SLCO3A1: variants seen among roughly 807,000 people sequenced by gnomAD.
SLCO3A1 encodes solute carrier organic anion transporter family member 3A1.
SLCO3A1 carries 27 observed loss-of-function variants against 63.1 expected under a neutral mutation model. The ratio of observed to expected loss-of-function variants is 0.43; its 90% confidence interval spans 0.32 to 0.59. The LOEUF (loss-of-function observed/expected upper bound fraction) is 0.59, where lower values mean the gene tolerates loss of function less well. Among genes scored for constraint, SLCO3A1 ranks in the 20% least tolerant of loss-of-function variants. The pLI, the probability that SLCO3A1 is intolerant of heterozygous loss-of-function variation, is 0.09. For synonymous variants in SLCO3A1, 473 were observed against 409.9 expected, an observed-to-expected ratio of 1.15 and a Z score of -1.86; for missense variants, 773 against 945.8, an observed-to-expected ratio of 0.82 and a Z score of 2.40.
At chr15:92,107,549 G>A (rs1198763803) in intron 4 of SLCO3A1, among the ~76,000 whole-genome samples, 1 of 152,208 alleles carries the variant, frequency 6.6e-6, no homozygotes, top group Non-Finnish European at 1.5e-5. Context: ...CACATTTGTG[G>A]GTTTCAATAA....
rs1403238352 is a variant in SLCO3A1 at position 91,880,413 on chromosome 15, G to GTGTGTA, written c.180+26330_180+26331insATGTGT. Reference sequence around the variant, plus strand: ...TCTCTCTCTCTCTCTCTCTCTCTGTGTGTGTGTGTGTGTAGTTCTTTGCAG... The same window carrying GTGTGTA: ...TCTCTCTCTCTCTCTCTCTCTCTGTGTGTGTATGTGTGTGTGTGTAGTTCTTTGCAG... On this transcript the variant is annotated intron_variant, in intron 1 of 9. Transcript: ENST00000318445. 3.3e-3 allele frequency among the ~76,000 whole-genome samples: 505 copies of GTGTGTA among 151,198 alleles called. 2 individuals are homozygous for GTGTGTA. Among genetic ancestry groups the GTGTGTA allele is most frequent in the African/African-American group, 0.012 (475 of 41,122 alleles).
In SLCO3A1 at chr15:91,916,511, A is replaced by T; in HGVS notation, c.646+53A>T. 7.4e-7 allele frequency: 1 copy of T among 1,360,330 alleles called. No homozygotes were observed. The highest frequency in any genetic ancestry group is 1.0e-6 in the Non-Finnish European group (1 of 993,552). The allele number at this position is 1,360,330 out of a possible 1,614,324, so 84.3% of individuals were successfully genotyped here. A position where few individuals can be genotyped will look rare whatever the true frequency, so the allele number is the denominator to read the frequency against. On this transcript the variant is annotated intron_variant, in intron 2 of 9. Transcript: ENST00000318445. The surrounding 1 kb of genome is among the most constrained non-coding windows in gnomAD (Gnocchi z 6.2). ...AGAGACCAGGGTGTGTTGACCATGG[A>T]TAAAAGGTGGCCTGGTGGACTTTGA... is the stretch of plus-strand genomic sequence containing the variant.
At chr15:92,013,442 C>T (rs1467218662) in intron 2 of SLCO3A1, among the ~76,000 whole-genome samples, 2 of 152,156 alleles carry the variant, frequency 1.3e-5, no homozygotes, top group Non-Finnish European at 2.9e-5. Context: ...CCCTACCAGC[C>T]GTTTTGGATA....
chr15:92,080,285 C>T (rs749982086), intron 2 of SLCO3A1, among the ~76,000 whole-genome samples: 4 of 152,174 alleles, frequency 2.6e-5, no homozygotes, highest in Non-Finnish European at 5.9e-5. Context: ...AGTCCCTCCT[C>T]CAGGGCTGTA....
At chr15:91,855,314 G>A (rs1896888984) in intron 1 of SLCO3A1, among the ~76,000 whole-genome samples, 1 of 152,162 alleles carries the variant, frequency 6.6e-6, no homozygotes, top group Non-Finnish European at 1.5e-5. Flanking sequence ...CTGTTAAAGG[G>A]AAATACAAGC....
intron 1 of SLCO3A1, among the ~76,000 whole-genome samples, chr15:91,893,485 C>T (rs934183921): frequency 6.6e-5 from 10 of 152,270 alleles, no homozygotes; most frequent in African/African-American, 2.4e-4. Context: ...CTCATTGTGT[C>T]CTCACCAGGC....
rs1378753422 is a variant in SLCO3A1 at position 91,865,521 on chromosome 15, C to G, written c.180+11433C>G. On this transcript the variant is annotated intron_variant, in intron 1 of 9. Coordinates refer to ENST00000318445, the MANE Select transcript of SLCO3A1 (RefSeq NM_013272.4). This position sits in a 1 kb window ranked among gnomAD's most constrained non-coding sequence, Gnocchi z 4.6. ...TCTGACAGTCCTGCAGGCCAGAAGT[C>G]TGAAATCAGGGCATCAGCAGGGCCG... 6.6e-6 allele frequency among the ~76,000 whole-genome samples: 1 copy of G among 152,232 alleles called. No homozygotes were observed. The highest frequency in any genetic ancestry group is 1.5e-5 in the Non-Finnish European group (1 of 68,048).
rs960590189 is a variant in SLCO3A1, at chr15:92,133,470, C to T, written c.1512+4981C>T. 2.1e-5 allele frequency among the ~76,000 whole-genome samples: 3 copies of T among 145,896 alleles called. 1 individual carries two copies. Among genetic ancestry groups the T allele is most frequent in the Non-Finnish European group, 4.6e-5 (3 of 65,120 alleles). On this transcript the variant is annotated intron_variant, in intron 7 of 9. Transcript: ENST00000318445. ...ACTGGTACTGTTGGGAACTGGGCCG[C>T]ACAGCAGGAGGCGAGTGGCAGGTGA... is the stretch of plus-strand genomic sequence containing the variant.
intron 1 of SLCO3A1, among the ~76,000 whole-genome samples, chr15:91,864,212 T>G (rs1446930570): frequency 6.6e-6 from 1 of 152,184 alleles, no homozygotes. Flanking sequence ...TGTTTTTAGG[T>G]CTTCTTAAGT....
chr15:91,855,383 C>T (rs1896891837), intron 1 of SLCO3A1, among the ~76,000 whole-genome samples: 1 of 152,198 alleles, frequency 6.6e-6, no homozygotes, highest in Non-Finnish European at 1.5e-5. Context: ...GGTCTTCAAA[C>T]TCAGCTCTGT....
Position 92,165,471 on chromosome 15 carries a change from A to ACCTAGTGT in SLCO3A1, c.*2337_*2344dup. 1 of 983,302 alleles carries ACCTAGTGT rather than the reference A, an allele frequency of 1.0e-6. No homozygotes were observed. Among genetic ancestry groups the ACCTAGTGT allele is most frequent in the East Asian group, 1.1e-4 (1 of 8,790 alleles). 60.9% of individuals were successfully genotyped at this position (983,302 alleles called of 1,614,324 possible). A position where few individuals can be genotyped will look rare whatever the true frequency, so the allele number is the denominator to read the frequency against. On this transcript the variant is annotated 3_prime_UTR_variant, in exon 10 of 10. Transcript: ENST00000318445. ...AGTACACACACACTGAGGCCCTTTG[A>ACCTAGTGT]CCTAGTGTTTTATGGAACTATTTGC...
intron 1 of SLCO3A1, among the ~76,000 whole-genome samples, chr15:91,905,806 ACT>A (rs1190163924): frequency 6.6e-6 from 1 of 151,722 alleles, no homozygotes; most frequent in Non-Finnish European, 1.5e-5. Context: ...TGACCTCAGA[ACT>A]CTTTTTCCTC....
At chr15:91,972,595 C>T (rs1422672357) in intron 2 of SLCO3A1, among the ~76,000 whole-genome samples, 1 of 152,156 alleles carries the variant, frequency 6.6e-6, no homozygotes, top group Non-Finnish European at 1.5e-5. Flanking sequence ...TGTATTGTTA[C>T]AGGACCTCAA....
intron 2 of SLCO3A1, among the ~76,000 whole-genome samples, chr15:92,066,193 G>A (rs982152574): frequency 6.6e-6 from 1 of 152,204 alleles, no homozygotes; most frequent in African/African-American, 2.4e-5. Context: ...AAGAGAAGAG[G>A]CCAGGTCAAG....
chr15:91,975,434 A>G (rs1901064863), intron 2 of SLCO3A1, among the ~76,000 whole-genome samples: 2 of 152,200 alleles, frequency 1.3e-5, no homozygotes, highest in Non-Finnish European at 2.9e-5. Context: ...CATTAAGCGG[A>G]CAGAAGTTAC....
chr15:92,070,864 T>G (rs115826040), intron 2 of SLCO3A1, among the ~76,000 whole-genome samples: 1,547 of 152,262 alleles, frequency 0.01, 28 homozygotes, highest in African/African-American at 0.035. Flanking sequence ...GTTAGATATT[T>G]TAGGTATACT....
chr15:92,041,025 T>G (rs2046790613), intron 2 of SLCO3A1, among the ~76,000 whole-genome samples: 1 of 152,176 alleles, frequency 6.6e-6, no homozygotes, highest in African/African-American at 2.4e-5. Flanking sequence ...TCAGACTTTC[T>G]GCCTCCTTCA....
intron 2 of SLCO3A1, among the ~76,000 whole-genome samples, chr15:91,988,711 T>G (rs1483540174): frequency 1.3e-5 from 2 of 152,190 alleles, no homozygotes; most frequent in African/African-American, 4.8e-5. Flanking sequence ...TTTGCAGTCC[T>G]AACAAGTTCC....
At chr15:92,059,758 G>C (rs901317283) in intron 2 of SLCO3A1, among the ~76,000 whole-genome samples, 15 of 152,212 alleles carry the variant, frequency 9.9e-5, no homozygotes, top group African/African-American at 3.4e-4. Flanking sequence ...GACCTCATCA[G>C]ACCAGCATTG....
Sources: allele counts gnomAD v4.1 joint callset (sites outside exome capture counted in the v4.1 genomes callset), GRCh38; gene constraint gnomAD v4.1.1; non-coding constraint Gnocchi (gnomAD v3.1); transcripts MANE v1.5; gene names NCBI Gene and HGNC (gene_info 2026-07-23, HGNC 2026-07-21).